The following UVRAG variants were observed in gnomAD, a reference collection of about 807,000 sequenced individuals.
The protein encoded by UVRAG is UV radiation resistance-associated gene protein.
UVRAG carries 19 observed loss-of-function variants against 78.0 expected under a neutral mutation model. That is an observed-to-expected ratio of 0.24 (90% CI 0.17 to 0.36). The LOEUF is 0.36. Among genes scored for constraint, UVRAG ranks in the 10% least tolerant of loss-of-function variants. UVRAG has a pLI of 1.00. For synonymous variants in UVRAG, 323 were observed against 324.6 expected (o/e 1.00, Z 0.05); for missense variants, 740 against 853.8 (o/e 0.87, Z 1.66).
At chr11:75,861,892 G>A (rs889381169) in intron 3 of UVRAG, 112 bp downstream of exon 3, 10 of 844,078 alleles carry the variant, frequency 1.2e-5, no homozygotes, top group South Asian at 6.2e-5. Flanking sequence ...ATACTTTAAC[G>A]GATCTGCTCA....
At chr11:75,933,907 G>A (rs1299759943) in intron 6 of UVRAG, among the ~76,000 whole-genome samples, 3 of 152,196 alleles carry the variant, frequency 2.0e-5, no homozygotes, top group Admixed American at 6.5e-5. Flanking sequence ...TAGTGGAAAT[G>A]TAAATTAGTA....
chr11:75,819,928 A>G (rs1283096614), intron 1 of UVRAG, among the ~76,000 whole-genome samples: 2 of 152,122 alleles, frequency 1.3e-5, no homozygotes, highest in African/African-American at 4.8e-5. Context: ...AGATGGCGCC[A>G]TTGTACTCCA....
chr11:75,946,714 A>G (rs1745671420), intron 6 of UVRAG, among the ~76,000 whole-genome samples: 1 of 152,170 alleles, frequency 6.6e-6, no homozygotes, highest in African/African-American at 2.4e-5. Context: ...TGTCAGCCCC[A>G]TTGAGGCCAC....
intron 8 of UVRAG, among the ~76,000 whole-genome samples, chr11:75,989,622 A>T (rs1949567913): frequency 6.6e-6 from 1 of 152,208 alleles, no homozygotes; most frequent in Non-Finnish European, 1.5e-5. Context: ...ACTTGCTTTT[A>T]TGAGAACACA....
intron 6 of UVRAG, among the ~76,000 whole-genome samples, chr11:75,949,535 C>T (rs887335302): frequency 6.6e-6 from 1 of 152,006 alleles, no homozygotes; most frequent in Non-Finnish European, 1.5e-5. Flanking sequence ...GTTACACAGG[C>T]ACCTCCAACT....
intron 14 of UVRAG, among the ~76,000 whole-genome samples, chr11:76,127,381 C>T (rs537005404): frequency 2.0e-5 from 3 of 152,196 alleles, no homozygotes; most frequent in South Asian, 2.1e-4. Flanking sequence ...GGGCCGGGCA[C>T]GGTGGCTCAC....
At chr11:75,953,941 T>C (rs778995076) in intron 6 of UVRAG, among the ~76,000 whole-genome samples, 1 of 152,250 alleles carries the variant, frequency 6.6e-6, no homozygotes, top group African/African-American at 2.4e-5. Flanking sequence ...TTTCTTTCTT[T>C]ATAGATTCTT....
intron 5 of UVRAG, among the ~76,000 whole-genome samples, chr11:75,901,787 AT>A (rs926674582): frequency 1.3e-5 from 2 of 152,044 alleles, no homozygotes; most frequent in African/African-American, 2.4e-5. Flanking sequence ...GCTATTCCTT[AT>A]TTCTAAACAC....
intron 13 of UVRAG, among the ~76,000 whole-genome samples, chr11:76,080,726 G>A (rs1345335247): frequency 3.3e-5 from 5 of 152,102 alleles, no homozygotes; most frequent in African/African-American, 4.8e-5. Context: ...TCTCAGTAAC[G>A]TGTACTTCCT....
At chr11:76,136,381 A>G (rs1293217650) in intron 14 of UVRAG, among the ~76,000 whole-genome samples, 1 of 152,194 alleles carries the variant, frequency 6.6e-6, no homozygotes, top group Non-Finnish European at 1.5e-5. Flanking sequence ...TAAGTAAATT[A>G]TGATAGTCCA....
intron 8 of UVRAG, among the ~76,000 whole-genome samples, chr11:75,984,063 A>G (rs988382377): frequency 6.6e-6 from 1 of 152,184 alleles, no homozygotes; most frequent in Non-Finnish European, 1.5e-5. Context: ...TGATGATTTA[A>G]CGTACGATTT....
At chr11:75,869,577 A>G (rs1185578721) in intron 3 of UVRAG, among the ~76,000 whole-genome samples, 1 of 152,240 alleles carries the variant, frequency 6.6e-6, no homozygotes, top group Non-Finnish European at 1.5e-5. Flanking sequence ...AGACAGAGAT[A>G]ATCAACAAAT....
rs1339399403 is a variant in UVRAG, at chr11:76,076,972, G to T, written c.1305+11184G>T. ...GTCAAGGCTGCAGTGAGCTGTGATT[G>T]TACCATTGCACTCCAGCCTGGGCGA... is the stretch of plus-strand genomic sequence containing the variant. On this transcript the variant is annotated intron_variant, in intron 13 of 14. Coordinates refer to ENST00000356136, the MANE Select transcript of UVRAG (RefSeq NM_003369.4). Among the ~76,000 whole-genome samples the T allele has an allele frequency of 2.0e-5, 3 of 149,728 alleles. No homozygotes were observed. The Admixed American group carries it at 2.0e-4, about 10-fold the overall frequency.
chr11:75,906,182 G>A (rs914723903), intron 5 of UVRAG, among the ~76,000 whole-genome samples: 2 of 152,004 alleles, frequency 1.3e-5, no homozygotes, highest in African/African-American at 4.8e-5. Context: ...GTCCTTTGAT[G>A]CACAAAAGTT....
chr11:76,037,641 G>A (rs551508482), intron 12 of UVRAG, among the ~76,000 whole-genome samples: 5 of 152,148 alleles, frequency 3.3e-5, no homozygotes, highest in African/African-American at 1.2e-4. Context: ...GAGCCTGGGA[G>A]GTTGAGACTG....
At chr11:76,034,578 CT>C (rs1009839930) in intron 12 of UVRAG, among the ~76,000 whole-genome samples, 2 of 152,048 alleles carry the variant, frequency 1.3e-5, no homozygotes, top group Admixed American at 6.6e-5. Context: ...TAGCTTCTTT[CT>C]TTTTATTAAC....
intron 3 of UVRAG, among the ~76,000 whole-genome samples, chr11:75,874,979 G>A (rs1016854460): frequency 6.6e-6 from 1 of 152,124 alleles, no homozygotes; most frequent in African/African-American, 2.4e-5. Flanking sequence ...CTGTTCCCAA[G>A]CCCATCCACG....
At chr11:75,931,391 G>T (rs146196495) in intron 6 of UVRAG, among the ~76,000 whole-genome samples, 1,725 of 152,186 alleles carry the variant, frequency 0.011, 8 homozygotes, top group South Asian at 0.033. Flanking sequence ...ATGCTTGCCT[G>T]TTGGGAACAC....
At chr11:76,042,925 G>T (rs749417037) in intron 12 of UVRAG, among the ~76,000 whole-genome samples, 8 of 152,202 alleles carry the variant, frequency 5.3e-5, no homozygotes, top group Non-Finnish European at 1.2e-4. Context: ...TTCTAAGGAT[G>T]GCAGAGTGGA....
Sources: gnomAD v4.1 joint callset for allele counts (sites outside exome capture counted in the v4.1 genomes callset) on GRCh38, gnomAD v4.1.1 for gene constraint, MANE v1.5 for transcripts, NCBI Gene and HGNC (gene_info 2026-07-23, HGNC 2026-07-21) for gene names.